PRXL2A: variants seen among roughly 807,000 people sequenced by gnomAD.
PRXL2A encodes the protein peroxiredoxin like 2A, also known as peroxiredoxin-like 2A.
PRXL2A carries 26 observed loss-of-function variants against 25.6 expected under a neutral mutation model. The ratio of observed to expected loss-of-function variants is 1.02; its 90% CI spans 0.74 to 1.41. PRXL2A has a LOEUF of 1.41. Among genes scored for constraint, PRXL2A ranks in the 40% most tolerant of loss-of-function variants. The pLI, the probability that PRXL2A is intolerant of heterozygous loss-of-function variation, is 0.00. For synonymous variants in PRXL2A, 98 were observed against 102.9 expected (o/e 0.95, Z 0.29); for missense variants, 246 against 273.9 (o/e 0.90, Z 0.72).
intron 1 of PRXL2A, among the ~76,000 whole-genome samples, chr10:80,417,367 A>T (rs1844697985): frequency 6.6e-6 from 1 of 152,196 alleles, no homozygotes; most frequent in African/African-American, 2.4e-5. Flanking sequence ...GCTCCTTTGA[A>T]ACGCTGAGGA....
chr10:80,420,268 CAT>C, intron 1 of PRXL2A, 196 bp from the exon 2 acceptor site: 10 of 1,331,110 alleles, frequency 7.5e-6, no homozygotes, highest in Non-Finnish European at 9.6e-6. Context: ...CAGGAACCTC[CAT>C]GTGTGTGCTG....
At chr10:80,408,107 ATAC>A (rs2131868998), upstream of PRXL2A, among the ~76,000 whole-genome samples, 1 of 151,870 alleles carries the variant, frequency 6.6e-6, no homozygotes, top group African/African-American at 2.4e-5. Context: ...GAATCTGTAC[ATAC>A]AGCTTGAAGG....
intron 2 of PRXL2A, 142 bp downstream of exon 2, chr10:80,420,787 C>G: frequency 1.6e-6 from 1 of 626,684 alleles, no homozygotes; most frequent in African/African-American, 1.9e-5. Flanking sequence ...AATTTTTAAA[C>G]TAGGAATAAT....
intron 1 of PRXL2A, chr10:80,413,926 A>G (rs2131879723): frequency 8.7e-7 from 1 of 1,149,212 alleles, no homozygotes; most frequent in Non-Finnish European, 1.1e-6. Flanking sequence ...GGGGTAAGAG[A>G]CCGTTTGAGG....
At chr10:80,409,896 T>C (rs888661148) in intron 1 of PRXL2A, among the ~76,000 whole-genome samples, 2 of 152,220 alleles carry the variant, frequency 1.3e-5, no homozygotes, top group African/African-American at 4.8e-5. Context: ...AACAGTTCCT[T>C]GTCCAGGTTT....
intron 2 of PRXL2A, among the ~76,000 whole-genome samples, chr10:80,421,715 T>G (rs1264700481): frequency 6.6e-6 from 1 of 152,112 alleles, no homozygotes; most frequent in Non-Finnish European, 1.5e-5. Flanking sequence ...CTAAAATAAT[T>G]AAGGGCTCAT....
In PRXL2A at chr10:80,413,874, A is replaced by G. The variant is rs1178410012; in HGVS notation, c.-3+5231A>G. 2.4e-6 allele frequency: 3 copies of G among 1,244,128 alleles called. No homozygotes were observed. The Admixed American group carries it at 7.6e-5, about 32-fold the overall frequency. The allele number at this position is 1,244,128 out of a possible 1,614,324, so 77.1% of individuals were successfully genotyped here. The stretch of plus-strand genomic sequence containing the variant: ...AGAAGCAGAGGTGTGGACGCTGTGT[A>G]TGGTGAGTGCCTTGTTCCCAAGTTT... On this transcript the variant is annotated intron_variant, in intron 1 of 5. Transcript: ENST00000606162.
At chr10:80,427,532 T>C (rs1845091152) in intron 5 of PRXL2A, 36 bp downstream of exon 5, 1 of 1,608,666 alleles carries the variant, frequency 6.2e-7, no homozygotes, top group African/African-American at 1.3e-5. Context: ...TCTGTAGGTG[T>C]CTGTGTCTGT....
Position 80,431,813 on chromosome 10 carries a change from C to T in PRXL2A, c.577-173C>T, listed in dbSNP as rs1023444513. 3.9e-5 allele frequency among the ~76,000 whole-genome samples: 6 copies of T among 152,262 alleles called. No homozygotes were observed. In the South Asian group the frequency reaches 8.3e-4, roughly 21 times the overall value. On this transcript the variant is annotated intron_variant, in intron 5 of 5. Coordinates refer to ENST00000606162, the MANE Select transcript of PRXL2A (RefSeq NM_032333.5). ...CAGGCCAGATGGATGTGGCCTTCTCCGGTCTATCTTCCCTCAAAGACTGAA... is the reference window on the plus strand; with the variant it reads ...CAGGCCAGATGGATGTGGCCTTCTCTGGTCTATCTTCCCTCAAAGACTGAA...
At chr10:80,424,663 C>T (rs193222379) in intron 3 of PRXL2A, among the ~76,000 whole-genome samples, 53 of 151,636 alleles carry the variant, frequency 3.5e-4, no homozygotes, top group Non-Finnish European at 6.0e-4. Context: ...GTCAGGAGTT[C>T]AAGACCAGCC....
chr10:80,408,495 G>GGCGGTGGC (rs1484485329), upstream of PRXL2A: 15 of 152,540 alleles, frequency 9.8e-5, no homozygotes, highest in African/African-American at 3.6e-4. Context: ...CGGGTCACAT[G>GGCGGTGGC]GCGGTGGCGC....
At chr10:80,407,855 G>C (rs1312331116), upstream of PRXL2A, 1 of 152,222 alleles carries the variant, frequency 6.6e-6, no homozygotes, top group Non-Finnish European at 1.5e-5. Context: ...GAACTCCTGG[G>C]CTCAAGCGAT....
chr10:80,430,772 C>A (rs1200900425), intron 5 of PRXL2A, among the ~76,000 whole-genome samples: 1 of 152,176 alleles, frequency 6.6e-6, no homozygotes, highest in Non-Finnish European at 1.5e-5. Flanking sequence ...AGCTGAATGG[C>A]CTTTCCTTTT....
At chr10:80,422,323 C>G in intron 2 of PRXL2A, 94 bp from the exon 3 acceptor site, 2 of 974,882 alleles carry the variant, frequency 2.1e-6, no homozygotes, top group South Asian at 2.9e-5. Flanking sequence ...GGCCGGGTCT[C>G]TGACCTTGGC....
At chr10:80,428,970 C>T (rs111338934) in intron 5 of PRXL2A, among the ~76,000 whole-genome samples, 3 of 151,966 alleles carry the variant, frequency 2.0e-5, no homozygotes, top group Admixed American at 6.6e-5. Context: ...GGTGCGATCT[C>T]GGCTCACTGC....
upstream of PRXL2A, among the ~76,000 whole-genome samples, chr10:80,408,232 T>C (rs551370024): frequency 8.6e-5 from 13 of 151,254 alleles, no homozygotes; most frequent in Non-Finnish European, 1.5e-4. Flanking sequence ...TGGAAGGAAG[T>C]TGGCCAGCCT....
intron 1 of PRXL2A, among the ~76,000 whole-genome samples, chr10:80,417,759 T>G (rs199894205): frequency 0.019 from 180 of 9,272 alleles, 1 homozygote; most frequent in East Asian, 0.19. Flanking sequence ...TTTTTTTTTG[T>G]TTTTTTTTTT....
Position 80,427,512 on chromosome 10 carries a change from T to A in PRXL2A, c.576+16T>A. On this transcript the variant is annotated intron_variant, in intron 5 of 5. Coordinates refer to ENST00000606162, the MANE Select transcript of PRXL2A (RefSeq NM_032333.5). Reference sequence around the variant, plus strand: ...AGGAAAGCAGGTGAGTTCTTGGTGTTTACTTGTGGTCTGTAGGTGTCTGTG... The same window carrying A: ...AGGAAAGCAGGTGAGTTCTTGGTGTATACTTGTGGTCTGTAGGTGTCTGTG... 1 of 1,613,634 alleles carries A rather than the reference T, an allele frequency of 6.2e-7. No homozygotes were observed.
chr10:80,413,024 G>C (rs369304439), intron 1 of PRXL2A, among the ~76,000 whole-genome samples: 1 of 152,128 alleles, frequency 6.6e-6, no homozygotes, highest in African/African-American at 2.4e-5. Context: ...CAGTGAGGTC[G>C]AGAAGAGGAT....
Sources: allele counts gnomAD v4.1 joint callset (sites outside exome capture counted in the v4.1 genomes callset), GRCh38; gene constraint gnomAD v4.1.1; transcripts MANE v1.5; gene names NCBI Gene and HGNC (gene_info 2026-07-23, HGNC 2026-07-21).